The following INPP4B variants were observed in gnomAD, a reference collection of about 807,000 sequenced individuals.
INPP4B encodes inositol polyphosphate 4-phosphatase type II.
A neutral mutation model predicts 122.5 loss-of-function variants in INPP4B; 55 were observed. The observed-to-expected ratio is 0.45, with a 90% CI of 0.36 to 0.56. The LOEUF (loss-of-function observed/expected upper bound fraction) is 0.56, where lower values mean the gene tolerates loss of function less well. INPP4B is among the 20% of genes least tolerant of loss of function. INPP4B has a pLI of 0.00. For synonymous variants in INPP4B, 403 were observed against 388.7 expected (o/e 1.04, Z -0.43); for missense variants, 1,000 against 1,097.7 (o/e 0.91, Z 1.26).
intron 25 of INPP4B, among the ~76,000 whole-genome samples, chr4:142,070,136 C>A (rs878904363): frequency 3.3e-5 from 5 of 152,170 alleles, no homozygotes; most frequent in African/African-American, 1.2e-4. Context: ...AGCTTATCCA[C>A]CATGATCAAC....
chr4:142,544,628 A>AC (rs1300964603), intron 2 of INPP4B, among the ~76,000 whole-genome samples: 1 of 152,128 alleles, frequency 6.6e-6, no homozygotes, highest in Non-Finnish European at 1.5e-5. Flanking sequence ...ATTCCTTCCT[A>AC]CCATCATATT....
Position 142,729,588 on chromosome 4 carries a change from G to T in INPP4B, c.-253-3687C>A, listed in dbSNP as rs76697825. Among the ~76,000 whole-genome samples the T allele has an allele frequency of 3.9e-5, 6 of 152,232 alleles. No homozygotes were observed. In the East Asian group the frequency reaches 1.2e-3, roughly 29 times the overall value. ...TACTTTCTGCTCACTAAGCAAGAAGGCTCCCTCTTTGGGACAGGCACAAAG... is the reference window on the plus strand; with the variant it reads ...TACTTTCTGCTCACTAAGCAAGAAGTCTCCCTCTTTGGGACAGGCACAAAG... On this transcript the variant is annotated intron_variant, in intron 1 of 25. Transcript: ENST00000262992.
chr4:142,440,114 T>C (rs1346364565), intron 3 of INPP4B, among the ~76,000 whole-genome samples: 1 of 152,184 alleles, frequency 6.6e-6, no homozygotes, highest in East Asian at 1.9e-4. Flanking sequence ...GATAAATCTA[T>C]TCATCCATTT....
intron 12 of INPP4B, among the ~76,000 whole-genome samples, chr4:142,216,064 C>CGG (rs1337286608): frequency 6.6e-6 from 1 of 151,960 alleles, no homozygotes; most frequent in Non-Finnish European, 1.5e-5. Flanking sequence ...TAGAATACTC[C>CGG]TATCTGTAAA....
At chr4:142,112,158 A>C (rs1790515367) in intron 22 of INPP4B, among the ~76,000 whole-genome samples, 1 of 152,196 alleles carries the variant, frequency 6.6e-6, no homozygotes, top group South Asian at 2.1e-4. Flanking sequence ...AAATAAACAC[A>C]AAAAAGAGAA....
intron 2 of INPP4B, among the ~76,000 whole-genome samples, chr4:142,543,697 A>G (rs1198749567): frequency 6.6e-6 from 1 of 152,152 alleles, no homozygotes; most frequent in African/African-American, 2.4e-5. Flanking sequence ...TTTGAATTCC[A>G]TAAGACTTAT....
At chr4:142,040,215 C>A (rs562865624) in intron 25 of INPP4B, among the ~76,000 whole-genome samples, 2 of 152,044 alleles carry the variant, frequency 1.3e-5, no homozygotes, top group African/African-American at 2.4e-5. Context: ...GAGGGTGAAG[C>A]CTTGTTCGTT....
At chr4:142,721,734 T>C (rs1161881089) in intron 2 of INPP4B, among the ~76,000 whole-genome samples, 1 of 151,982 alleles carries the variant, frequency 6.6e-6, no homozygotes, top group Non-Finnish European at 1.5e-5. Flanking sequence ...GGCAGGAGAA[T>C]TGCTTGAACC....
chr4:142,182,936 G>A (rs1432944236), intron 15 of INPP4B, among the ~76,000 whole-genome samples: 1 of 152,126 alleles, frequency 6.6e-6, no homozygotes, highest in Non-Finnish European at 1.5e-5. Flanking sequence ...CAAATACTAT[G>A]ATCACGGCAA....
chr4:142,036,965 G>A (rs755670114), intron 25 of INPP4B, among the ~76,000 whole-genome samples: 1 of 152,214 alleles, frequency 6.6e-6, no homozygotes, highest in Non-Finnish European at 1.5e-5. Flanking sequence ...TGCAAGGGAT[G>A]TTTTAAGTAA....
chr4:142,477,808 C>T (rs1253455525), intron 2 of INPP4B, among the ~76,000 whole-genome samples: 3 of 152,044 alleles, frequency 2.0e-5, no homozygotes, highest in Non-Finnish European at 2.9e-5. Flanking sequence ...CATAAAAAGC[C>T]CAGGACCAGA....
intron 5 of INPP4B, among the ~76,000 whole-genome samples, chr4:142,420,138 ATAAC>A (rs1352187358): frequency 1.3e-5 from 2 of 152,282 alleles, no homozygotes; most frequent in Admixed American, 1.3e-4. Context: ...CTAGGAAAAA[ATAAC>A]TAATAAATAA....
At chr4:142,451,983 C>T (rs1224274627) in intron 3 of INPP4B, among the ~76,000 whole-genome samples, 2 of 152,066 alleles carry the variant, frequency 1.3e-5, no homozygotes, top group Non-Finnish European at 2.9e-5. Context: ...ATACATGTGC[C>T]ATGTTGGTTT....
chr4:142,159,210 G>A (rs1350995525), intron 17 of INPP4B, among the ~76,000 whole-genome samples: 1 of 151,130 alleles, frequency 6.6e-6, no homozygotes, highest in East Asian at 2.0e-4. Context: ...TCATTTTACA[G>A]TTGAGAAAAT....
At chr4:142,234,857 T>C (rs1856007629) in intron 12 of INPP4B, among the ~76,000 whole-genome samples, 1 of 152,200 alleles carries the variant, frequency 6.6e-6, no homozygotes, top group Non-Finnish European at 1.5e-5. Flanking sequence ...TTCCATGTGT[T>C]AGCAAATGTT....
At chr4:142,301,017 G>A (rs1761186135) in intron 9 of INPP4B, among the ~76,000 whole-genome samples, 1 of 152,142 alleles carries the variant, frequency 6.6e-6, no homozygotes, top group Non-Finnish European at 1.5e-5. Flanking sequence ...AAGATGAGCT[G>A]AAAGTTTCTG....
intron 3 of INPP4B, among the ~76,000 whole-genome samples, chr4:142,441,019 A>G (rs573954112): frequency 6.4e-4 from 97 of 152,148 alleles, no homozygotes; most frequent in African/African-American, 2.3e-3. Flanking sequence ...GAGAAAAACT[A>G]GCAAGACAAG....
intron 5 of INPP4B, chr4:142,426,580 T>C (rs1808106506): frequency 6.6e-6 from 1 of 152,030 alleles, no homozygotes; most frequent in Non-Finnish European, 1.5e-5. Context: ...GCTTATCTTG[T>C]GCTCAAGACA....
chr4:142,708,937 AG>A (rs1762788581), intron 2 of INPP4B, among the ~76,000 whole-genome samples: 1 of 152,204 alleles, frequency 6.6e-6, no homozygotes, highest in African/African-American at 2.4e-5. Flanking sequence ...AAAGCAGTGG[AG>A]GGGGCTTTCT....
Sources: gnomAD v4.1 joint callset for allele counts (sites outside exome capture counted in the v4.1 genomes callset) on GRCh38, gnomAD v4.1.1 for gene constraint, MANE v1.5 for transcripts, NCBI Gene and HGNC (gene_info 2026-07-23, HGNC 2026-07-21) for gene names.